CPA6: variants seen among roughly 807,000 people sequenced by gnomAD.
CPA6 encodes the protein carboxypeptidase A6, also known as carboxypeptidase B.
A neutral mutation model predicts 63.3 loss-of-function variants in CPA6; 58 were observed. The ratio of observed to expected loss-of-function variants is 0.92; its 90% CI spans 0.74 to 1.14. The LOEUF (loss-of-function observed/expected upper bound fraction) is 1.14, where lower values mean the gene tolerates loss of function less well. CPA6 is among the 50% of genes most tolerant of loss of function. CPA6 has a pLI of 0.00. For synonymous variants in CPA6, 185 were observed against 179.0 expected (o/e 1.03, Z -0.27); for missense variants, 565 against 526.6 (o/e 1.07, Z -0.71).
At chr8:67,484,262 C>T (rs1215090814) in intron 7 of CPA6, among the ~76,000 whole-genome samples, 3 of 151,066 alleles carry the variant, frequency 2.0e-5, no homozygotes, top group African/African-American at 7.3e-5. Context: ...TTAGTAGAGA[C>T]GGGGTTTCAC....
chr8:67,536,390 TCTC>T (rs1812585627), intron 2 of CPA6, among the ~76,000 whole-genome samples: 1 of 152,198 alleles, frequency 6.6e-6, no homozygotes, highest in African/African-American at 2.4e-5. Flanking sequence ...GGTTTGCAGT[TCTC>T]CTTGAAGAGG....
chr8:67,617,206 G>T (rs907808323), intron 2 of CPA6, among the ~76,000 whole-genome samples: 6 of 151,854 alleles, frequency 4.0e-5, no homozygotes, highest in Non-Finnish European at 7.4e-5. Context: ...ATGGTAGAGG[G>T]TTTTTTCCTT....
At position 67,475,883 on chromosome 8, in the gene CPA6, TTTCTTTCTTTC is replaced by T. The variant is rs1563968053; in HGVS notation, c.838+7874_838+7884del. Among the ~76,000 whole-genome samples the T allele has an allele frequency of 2.0e-3, 78 of 39,024 alleles. 4 individuals are homozygous for T. Among genetic ancestry groups the T allele is most frequent in the African/African-American group, 7.3e-3 (72 of 9,878 alleles). 25.6% of individuals were successfully genotyped at this position (39,024 alleles called of 152,430 possible). On this transcript the variant is annotated intron_variant, in intron 8 of 10. Transcript: ENST00000297770. ...TCTTTCTTTCTTTCTTTCTTTCTCC[TTTCTTTCTTTC>T]TTTCTTTCTTTCTTTCTTTCTTTCT... is the stretch of plus-strand genomic sequence containing the variant.
At chr8:67,493,401 A>G (rs544376255) in intron 6 of CPA6, among the ~76,000 whole-genome samples, 9 of 152,222 alleles carry the variant, frequency 5.9e-5, no homozygotes, top group African/African-American at 2.2e-4. Flanking sequence ...CCCCTTCTGG[A>G]AAGACTTCCC....
chr8:67,612,502 A>G (rs1317068422), intron 2 of CPA6, among the ~76,000 whole-genome samples: 1 of 152,162 alleles, frequency 6.6e-6, no homozygotes, highest in Non-Finnish European at 1.5e-5. Flanking sequence ...TTCTTTCTCA[A>G]TATGATGCTG....
chr8:67,654,343 A>G (rs1412424209), intron 1 of CPA6, among the ~76,000 whole-genome samples: 4 of 152,148 alleles, frequency 2.6e-5, no homozygotes, highest in Non-Finnish European at 4.4e-5. Flanking sequence ...TTGTACCTCT[A>G]GTAGAATTCG....
chr8:67,713,099 GTATATATATATATATATATATATATATA>G (rs67842734), intron 1 of CPA6, among the ~76,000 whole-genome samples: 1 of 55,026 alleles, frequency 1.8e-5, no homozygotes, highest in Non-Finnish European at 3.2e-5. Context: ...GTGTGTGTGT[GTATATATATATATATATATATATATATA>G]TATATATATA....
intron 1 of CPA6, among the ~76,000 whole-genome samples, chr8:67,642,877 TAAG>T (rs1815627143): frequency 1.3e-5 from 2 of 149,718 alleles, no homozygotes; most frequent in Admixed American, 6.6e-5. Flanking sequence ...CTTAAAAGAT[TAAG>T]AAGAAAACAT....
chr8:67,532,507 T>C (rs1302670410), intron 2 of CPA6, among the ~76,000 whole-genome samples: 1 of 151,894 alleles, frequency 6.6e-6, no homozygotes, highest in East Asian at 1.9e-4. Flanking sequence ...CAAAACCCTA[T>C]CTCTACAAAA....
At chr8:67,609,565 C>CT (rs1814750128) in intron 2 of CPA6, among the ~76,000 whole-genome samples, 1 of 152,136 alleles carries the variant, frequency 6.6e-6, no homozygotes, top group African/African-American at 2.4e-5. Flanking sequence ...CATAAGGGCT[C>CT]TTATGTTCCT....
At chr8:67,523,494 A>T (rs1812301344) in intron 2 of CPA6, among the ~76,000 whole-genome samples, 1 of 152,204 alleles carries the variant, frequency 6.6e-6, no homozygotes, top group African/African-American at 2.4e-5. Context: ...GTGCCGCTGC[A>T]CTCCAGCCTG....
intron 6 of CPA6, among the ~76,000 whole-genome samples, chr8:67,499,255 C>G (rs1230065899): frequency 6.6e-6 from 1 of 152,084 alleles, no homozygotes; most frequent in African/African-American, 2.4e-5. Flanking sequence ...GCCAGAGCCC[C>G]CCTTGATACT....
chr8:67,454,748 A>G (rs1000978087), intron 8 of CPA6, among the ~76,000 whole-genome samples: 4 of 152,226 alleles, frequency 2.6e-5, no homozygotes, highest in Admixed American at 1.3e-4. Context: ...ATGAAACAGC[A>G]TACATCTCTG....
intron 2 of CPA6, among the ~76,000 whole-genome samples, chr8:67,547,775 TGA>T (rs1283468162): frequency 6.6e-6 from 1 of 152,160 alleles, no homozygotes; most frequent in Non-Finnish European, 1.5e-5. Context: ...ATCACTAGTG[TGA>T]GTCAACATGC....
At chr8:67,465,149 T>C (rs1439295033) in intron 8 of CPA6, among the ~76,000 whole-genome samples, 1 of 152,218 alleles carries the variant, frequency 6.6e-6, no homozygotes, top group Non-Finnish European at 1.5e-5. Context: ...GAGCATGGAA[T>C]ATTTTTCCAT....
At chr8:67,549,743 C>T (rs1011744144) in intron 2 of CPA6, among the ~76,000 whole-genome samples, 2 of 152,064 alleles carry the variant, frequency 1.3e-5, no homozygotes, top group African/African-American at 4.8e-5. Context: ...GTATTTTTTC[C>T]TCTGTGTCTG....
At chr8:67,648,258 G>GTTTTTTTT (rs4009129) in intron 1 of CPA6, among the ~76,000 whole-genome samples, 20 of 113,896 alleles carry the variant, frequency 1.8e-4, no homozygotes, top group Non-Finnish European at 2.5e-4. Flanking sequence ...CCTAGATTAG[G>GTTTTTTTT]TTTTTTTTTT....
chr8:67,566,627 A>G (rs970795165), intron 2 of CPA6, among the ~76,000 whole-genome samples: 7 of 152,018 alleles, frequency 4.6e-5, no homozygotes, highest in Non-Finnish European at 1.0e-4. Context: ...TTCTTTCTCT[A>G]CCCAAAGTGG....
intron 1 of CPA6, among the ~76,000 whole-genome samples, chr8:67,713,036 C>CTAATGTACACAT (rs1488287925): frequency 7.0e-6 from 1 of 143,788 alleles, no homozygotes; most frequent in Non-Finnish European, 1.5e-5. Flanking sequence ...CTCTTACTTT[C>CTAATGTACACAT]TAATGTACAC....
Sources: gnomAD v4.1 joint callset for allele counts (sites outside exome capture counted in the v4.1 genomes callset) on GRCh38, gnomAD v4.1.1 for gene constraint, MANE v1.5 for transcripts, NCBI Gene and HGNC (gene_info 2026-07-23, HGNC 2026-07-21) for gene names.